MAP2K6: variants seen among roughly 807,000 people sequenced by gnomAD.
MAP2K6 encodes the protein dual specificity mitogen-activated protein kinase kinase 6.
MAP2K6 carries 16 observed loss-of-function variants against 53.7 expected under a neutral mutation model. The ratio of observed to expected loss-of-function variants is 0.30; its 90% confidence interval spans 0.20 to 0.45. The LOEUF is 0.45. Among genes scored for constraint, MAP2K6 ranks in the 20% least tolerant of loss-of-function variants. The pLI, the probability that MAP2K6 is intolerant of heterozygous loss-of-function variation, is 1.00. For missense variants in MAP2K6, 204 were observed against 411.9 expected (o/e 0.50, Z 4.37); for synonymous variants, 132 against 143.1 (o/e 0.92, Z 0.55).
At position 69,548,430 on chromosome 17, in the gene MAP2K6, T is replaced by G. The variant is rs931482300; in HGVS notation, c.*6677T>G. 6.7e-6 allele frequency: 1 copy of G among 148,420 alleles called. No homozygotes were observed. Among genetic ancestry groups the G allele is most frequent in the Non-Finnish European group, 1.5e-5 (1 of 66,524 alleles). 9.2% of individuals were successfully genotyped at this position (148,420 alleles called of 1,614,324 possible). ...CAGTCTGCCAGTGACCGAAGCTTTCTCATTTTTTTTTCTTCCAGAACAATA... is the reference window on the plus strand; with the variant it reads ...CAGTCTGCCAGTGACCGAAGCTTTCGCATTTTTTTTTCTTCCAGAACAATA... On this transcript the variant is annotated 3_prime_UTR_variant, in exon 12 of 12. Transcript: ENST00000590474.
intron 2 of MAP2K6, among the ~76,000 whole-genome samples, chr17:69,510,183 G>T (rs1909742933): frequency 6.6e-6 from 1 of 152,056 alleles, no homozygotes; most frequent in South Asian, 2.1e-4. Context: ...GAATCTTGTT[G>T]AATGCTTTCT....
intron 2 of MAP2K6, among the ~76,000 whole-genome samples, chr17:69,512,683 AGAGGTATTAAT>A (rs1248629748): frequency 6.6e-6 from 1 of 152,174 alleles, no homozygotes; most frequent in Non-Finnish European, 1.5e-5. Context: ...AATTGTTGAA[AGAGGTATTAAT>A]GAGGTATTAT....
At chr17:69,505,483 C>A in intron 1 of MAP2K6, 1 of 223,116 alleles carries the variant, frequency 4.5e-6, no homozygotes, top group South Asian at 7.7e-5. Context: ...GACAAATTCT[C>A]AGTGGGGAGA....
Position 69,543,249 on chromosome 17 carries a change from A to T in MAP2K6, c.*1496A>T, listed in dbSNP as rs1191386028. 2 of 152,180 alleles carry T rather than the reference A, an allele frequency of 1.3e-5. No homozygotes were observed. Among genetic ancestry groups the T allele is most frequent in the Non-Finnish European group, 2.9e-5 (2 of 68,018 alleles). 9.4% of individuals were successfully genotyped at this position (152,180 alleles called of 1,614,324 possible). ...TTTTGATTTTAAAAAGAAGAAAAAA[A>T]AACCTTATTTTTTCTTTCTTGGCCT... On this transcript the variant is annotated 3_prime_UTR_variant, in exon 12 of 12. Coordinates refer to ENST00000590474, the MANE Select transcript of MAP2K6 (RefSeq NM_002758.4).
chr17:69,454,198 C>T (rs1378227822), intron 1 of MAP2K6, among the ~76,000 whole-genome samples: 1 of 152,134 alleles, frequency 6.6e-6, no homozygotes, highest in Non-Finnish European at 1.5e-5. Context: ...TAGCCAGAAG[C>T]GCTTCCTCCA....
intron 1 of MAP2K6, among the ~76,000 whole-genome samples, chr17:69,422,873 T>TTTTGTTTG (rs542012010): frequency 6.6e-6 from 1 of 152,068 alleles, no homozygotes; most frequent in Non-Finnish European, 1.5e-5. Context: ...CAGCTGTTGT[T>TTTTGTTTG]TTTGTTTGTT....
intron 2 of MAP2K6, among the ~76,000 whole-genome samples, chr17:69,515,723 C>G (rs1248464390): frequency 6.6e-6 from 1 of 152,152 alleles, no homozygotes; most frequent in Admixed American, 6.5e-5. Flanking sequence ...ATAAGACAGC[C>G]TGGTTGAGTA....
chr17:69,470,279 G>T (rs1490447024), intron 1 of MAP2K6, among the ~76,000 whole-genome samples: 2 of 152,170 alleles, frequency 1.3e-5, no homozygotes, highest in African/African-American at 4.8e-5. Context: ...GGCTGGAGGG[G>T]ATGTGGAATG....
intron 10 of MAP2K6, among the ~76,000 whole-genome samples, chr17:69,527,129 A>G (rs1470003148): frequency 1.3e-5 from 2 of 152,190 alleles, no homozygotes; most frequent in Non-Finnish European, 2.9e-5. Context: ...GAAAGCAAGA[A>G]ACTCCTTTAT....
intron 1 of MAP2K6, among the ~76,000 whole-genome samples, chr17:69,443,388 G>A (rs1386862527): frequency 6.6e-6 from 1 of 152,148 alleles, no homozygotes; most frequent in African/African-American, 2.4e-5. Context: ...CAGGTTACAA[G>A]CTTCAGGAAG....
chr17:69,528,689 T>A (rs1457976743), intron 10 of MAP2K6, among the ~76,000 whole-genome samples: 1 of 151,682 alleles, frequency 6.6e-6, no homozygotes, highest in Non-Finnish European at 1.5e-5. Flanking sequence ...TGAAAACCCA[T>A]CTCTGCTAAA....
intron 1 of MAP2K6, among the ~76,000 whole-genome samples, chr17:69,424,292 T>C (rs4968857): frequency 0.085 from 12,867 of 152,242 alleles, 1,049 homozygotes; most frequent in East Asian, 0.43. Context: ...TTTGGTAGAA[T>C]GAGCCCAGAT....
chr17:69,476,125 T>G (rs1382548113), intron 1 of MAP2K6, among the ~76,000 whole-genome samples: 2 of 152,176 alleles, frequency 1.3e-5, no homozygotes, highest in African/African-American at 4.8e-5. Context: ...TATATGTGTG[T>G]TTATGTGCAG....
rs1291213040 is a variant in MAP2K6, at chr17:69,552,110, T to C, written c.*10357T>C. 1 of 152,218 alleles carries C rather than the reference T, an allele frequency of 6.6e-6. No individual in the cohort carries two copies. The highest frequency in any genetic ancestry group is 1.5e-5 in the Non-Finnish European group (1 of 68,032). The allele number at this position is 152,218 out of a possible 1,614,324, so 9.4% of individuals were successfully genotyped here. A position where few individuals can be genotyped will look rare whatever the true frequency, so the allele number is the denominator to read the frequency against. ...AAATTTTGTGATAGACACATGTTATTTGTATATATGATTGATTGTTTGCCT... is the reference window on the plus strand; with the variant it reads ...AAATTTTGTGATAGACACATGTTATCTGTATATATGATTGATTGTTTGCCT... On this transcript the variant is annotated 3_prime_UTR_variant, in exon 12 of 12. Coordinates refer to ENST00000590474, the MANE Select transcript of MAP2K6 (RefSeq NM_002758.4).
intron 1 of MAP2K6, chr17:69,504,658 G>A (rs1258983068): frequency 1.3e-5 from 2 of 152,720 alleles, no homozygotes; most frequent in South Asian, 2.1e-4. Flanking sequence ...GGATCTCCAT[G>A]CATGAGGAAA....
chr17:69,498,189 C>G (rs1909015742), intron 1 of MAP2K6, among the ~76,000 whole-genome samples: 2 of 152,148 alleles, frequency 1.3e-5, no homozygotes, highest in South Asian at 4.1e-4. Context: ...GAATTTAATT[C>G]TTACTAATCA....
chr17:69,467,211 T>C (rs1907842927), intron 1 of MAP2K6, among the ~76,000 whole-genome samples: 2 of 152,184 alleles, frequency 1.3e-5, no homozygotes, highest in African/African-American at 2.4e-5. Flanking sequence ...GCAAAGAATA[T>C]GGAATTAAGT....
At chr17:69,502,815 C>G (rs1324666295) in intron 1 of MAP2K6, 15 of 553,278 alleles carry the variant, frequency 2.7e-5, no homozygotes, top group African/African-American at 4.1e-5. Context: ...TTCCTTTGGT[C>G]TCTGTGCTAA....
chr17:69,531,943 G>A (rs894048154), intron 10 of MAP2K6, among the ~76,000 whole-genome samples: 8 of 152,180 alleles, frequency 5.3e-5, no homozygotes, highest in Non-Finnish European at 1.0e-4. Flanking sequence ...TGGAATCTTA[G>A]CCGGTTTACA....
Sources: allele counts gnomAD v4.1 joint callset (sites outside exome capture counted in the v4.1 genomes callset), GRCh38; gene constraint gnomAD v4.1.1; transcripts MANE v1.5; gene names NCBI Gene and HGNC (gene_info 2026-07-23, HGNC 2026-07-21).